GOLT1A: variants seen among roughly 807,000 people sequenced by gnomAD.
GOLT1A encodes the protein vesicle transport protein GOT1A.
GOLT1A carries 10 observed loss-of-function variants against 16.1 expected under a neutral mutation model. The ratio of observed to expected loss-of-function variants is 0.62; its 90% CI spans 0.38 to 1.05. The LOEUF (loss-of-function observed/expected upper bound fraction) is 1.05, where lower values mean the gene tolerates loss of function less well. Ranked by LOEUF, GOLT1A falls within the 50% of genes least tolerant of loss-of-function variation. GOLT1A has a pLI of 0.01. For synonymous variants in GOLT1A, 60 were observed against 67.9 expected (o/e 0.88, Z 0.57); for missense variants, 137 against 165.7 (o/e 0.83, Z 0.95).
intron 3 of GOLT1A, among the ~76,000 whole-genome samples, 177 bp from the exon 4 acceptor site, chr1:204,199,435 C>A (rs554935360): frequency 6.6e-6 from 1 of 152,078 alleles, no homozygotes; most frequent in East Asian, 1.9e-4. Flanking sequence ...AGAATGAAGG[C>A]CCCAGGGTCA....
At chr1:204,200,348 A>T (rs1383289136) in intron 3 of GOLT1A, among the ~76,000 whole-genome samples, 2 of 78,482 alleles carry the variant, frequency 2.5e-5, no homozygotes, top group Admixed American at 1.3e-4. Flanking sequence ...TTTGAGAGAG[A>T]GAGTCTCGGT....
chr1:204,212,368 C>G (rs185902419), intron 1 of GOLT1A, among the ~76,000 whole-genome samples: 95 of 152,260 alleles, frequency 6.2e-4, no homozygotes, highest in Non-Finnish European at 1.1e-3. Context: ...GGCGCGGTGG[C>G]TCACGCCTGT....
intron 4 of GOLT1A, chr1:204,198,849 A>T (rs769662539): frequency 6.3e-6 from 3 of 475,860 alleles, no homozygotes; most frequent in Admixed American, 3.5e-5. Flanking sequence ...TGGGGCCCGC[A>T]CTTAGCCAGA....
intron 3 of GOLT1A, among the ~76,000 whole-genome samples, chr1:204,201,422 G>A (rs936265466): frequency 1.3e-5 from 2 of 152,150 alleles, no homozygotes; most frequent in Non-Finnish European, 2.9e-5. Flanking sequence ...ACAGTGCTGG[G>A]AACACAGTCG....
chr1:204,210,259 C>T (rs61817028), intron 1 of GOLT1A, among the ~76,000 whole-genome samples: 17,160 of 152,156 alleles, frequency 0.11, 1,038 homozygotes, highest in Middle Eastern at 0.19. Flanking sequence ...GTGCACAACA[C>T]GTTCTTGATT....
chr1:204,211,927 A>C (rs1659143149), intron 1 of GOLT1A, among the ~76,000 whole-genome samples: 1 of 152,130 alleles, frequency 6.6e-6, no homozygotes, highest in Non-Finnish European at 1.5e-5. Flanking sequence ...TCCTGCCCCA[A>C]AATGTCAATA....
rs1390294638 is a variant in GOLT1A at position 204,203,002 on chromosome 1, G to A, written c.26-15C>T. ...CACACCAATCTCTGCAATGGGCAAG[G>A]AGGTGGTGGAGGAAAGGGCTTTGGG... On this transcript the variant is annotated splice_polypyrimidine_tract_variant and intron_variant, in intron 1 of 4. Coordinates refer to ENST00000308302, the MANE Select transcript of GOLT1A (RefSeq NM_198447.2). 6.2e-7 allele frequency: 1 copy of A among 1,608,928 alleles called. No homozygotes were observed. The highest frequency in any genetic ancestry group is 1.1e-5 in the South Asian group (1 of 90,918).
At chr1:204,200,028 G>C (rs1046864669) in intron 3 of GOLT1A, among the ~76,000 whole-genome samples, 1 of 152,066 alleles carries the variant, frequency 6.6e-6, no homozygotes, top group African/African-American at 2.4e-5. Flanking sequence ...TTTGCCTCCT[G>C]TGTTACTGCA....
chr1:204,206,746 T>A (rs555202440), intron 1 of GOLT1A, among the ~76,000 whole-genome samples: 7 of 152,382 alleles, frequency 4.6e-5, no homozygotes, highest in African/African-American at 1.7e-4. Flanking sequence ...ACTTTCTATA[T>A]GTTCATCCTG....
intron 3 of GOLT1A, among the ~76,000 whole-genome samples, chr1:204,199,861 C>T (rs1005907919): frequency 6.6e-6 from 1 of 152,148 alleles, no homozygotes; most frequent in Non-Finnish European, 1.5e-5. Context: ...CCTCACAGGG[C>T]TTGGAGGTGC....
chr1:204,202,030 C>T (rs376353810), intron 2 of GOLT1A, among the ~76,000 whole-genome samples: 21 of 152,248 alleles, frequency 1.4e-4, no homozygotes, highest in Admixed American at 3.3e-4. Flanking sequence ...GATGAGAAAC[C>T]TTTGACGGTT....
chr1:204,209,577 C>A (rs986407617), intron 1 of GOLT1A, among the ~76,000 whole-genome samples: 1 of 152,238 alleles, frequency 6.6e-6, no homozygotes, highest in African/African-American at 2.4e-5. Flanking sequence ...CTGGGCCAGG[C>A]ACAGTCTAAG....
At chr1:204,201,007 C>T (rs891097682) in intron 3 of GOLT1A, among the ~76,000 whole-genome samples, 2 of 152,186 alleles carry the variant, frequency 1.3e-5, no homozygotes, top group Non-Finnish European at 2.9e-5. Context: ...TCAAGTCCTG[C>T]TTCCTCTATG....
intron 2 of GOLT1A, among the ~76,000 whole-genome samples, chr1:204,202,578 T>C (rs1191148306): frequency 1.3e-5 from 2 of 151,842 alleles, no homozygotes; most frequent in Admixed American, 1.3e-4. Context: ...AGCCCTAGAG[T>C]GGGATTCAGA....
chr1:204,201,887 G>A (rs1333659088), intron 2 of GOLT1A, 76 bp from the exon 3 acceptor site: 5 of 1,394,492 alleles, frequency 3.6e-6, no homozygotes, highest in Non-Finnish European at 5.0e-6. Context: ...CTGGAGCCAG[G>A]CGGTGGGCTG....
At chr1:204,208,476 G>GTATATA (rs1553234655) in intron 1 of GOLT1A, among the ~76,000 whole-genome samples, 1,160 of 39,954 alleles carry the variant, frequency 0.029, 70 homozygotes, top group Middle Eastern at 0.14. Flanking sequence ...GTGTGTGTGT[G>GTATATA]TATATATATA....
intron 1 of GOLT1A, among the ~76,000 whole-genome samples, chr1:204,212,775 C>G (rs1659158695): frequency 6.6e-6 from 1 of 152,022 alleles, no homozygotes; most frequent in Non-Finnish European, 1.5e-5. Flanking sequence ...AAACCAAGGT[C>G]ATTACCATGG....
At chr1:204,210,994 C>T (rs1436516040) in intron 1 of GOLT1A, among the ~76,000 whole-genome samples, 2 of 151,862 alleles carry the variant, frequency 1.3e-5, no homozygotes, top group African/African-American at 4.8e-5. Flanking sequence ...AGAAGCCCAC[C>T]CCTCCCCCAT....
At chr1:204,201,852 C>A in intron 2 of GOLT1A, 41 bp from the exon 3 acceptor site, 1 of 1,594,590 alleles carries the variant, frequency 6.3e-7, no homozygotes, top group Non-Finnish European at 8.6e-7. Context: ...ACCCACCAGC[C>A]CCCTGAGGAG....
Sources: allele counts gnomAD v4.1 joint callset (sites outside exome capture counted in the v4.1 genomes callset), GRCh38; gene constraint gnomAD v4.1.1; transcripts MANE v1.5; gene names NCBI Gene and HGNC (gene_info 2026-07-23, HGNC 2026-07-21).